The following DPP10 variants were observed in gnomAD, a reference collection of about 807,000 sequenced individuals.
DPP10 encodes inactive dipeptidyl peptidase 10.
In DPP10, 33 loss-of-function variants were observed where a neutral mutation model predicts 120.9. The observed-to-expected ratio is 0.27, with a 90% CI of 0.21 to 0.37. DPP10 has a LOEUF of 0.37. DPP10 is among the 10% of genes least tolerant of loss of function. The pLI, the probability that DPP10 is intolerant of heterozygous loss-of-function variation, is 1.00. For synonymous variants in DPP10, 337 were observed against 326.1 expected (o/e 1.03, Z -0.36); for missense variants, 816 against 942.8 (o/e 0.87, Z 1.76).
intron 1 of DPP10, among the ~76,000 whole-genome samples, chr2:115,033,732 G>T (rs576579911): frequency 3.8e-4 from 49 of 128,344 alleles, no homozygotes; most frequent in African/African-American, 6.6e-4. Flanking sequence ...ATACGGTGTT[G>T]TTCTATTGCC....
At position 115,842,566 on chromosome 2, in the gene DPP10, A is replaced by AG. The variant is rs1215020477; in HGVS notation, c.*224dup. On this transcript the variant is annotated 3_prime_UTR_variant, in exon 26 of 26. Transcript: ENST00000410059. ...CGTTTCTTTGTATGAGAGAGGTCAAAGGGTTGGTTTCCTGGGAGAAATTAG... is the reference window on the plus strand; with the variant it reads ...CGTTTCTTTGTATGAGAGAGGTCAAAGGGGTTGGTTTCCTGGGAGAAATTAG... 2.5e-6 allele frequency: 1 copy of AG among 404,520 alleles called. No homozygotes were observed. The highest frequency in any genetic ancestry group is 4.2e-6 in the Non-Finnish European group (1 of 237,232). 25.1% of individuals were successfully genotyped at this position (404,520 alleles called of 1,614,324 possible). A position where few individuals can be genotyped will look rare whatever the true frequency, so the allele number is the denominator to read the frequency against.
intron 1 of DPP10, among the ~76,000 whole-genome samples, chr2:114,607,516 C>G (rs1295045161): frequency 6.6e-6 from 1 of 152,152 alleles, no homozygotes; most frequent in Non-Finnish European, 1.5e-5. Flanking sequence ...ATGCAAATGT[C>G]TCCTTATATA....
chr2:114,450,920 T>C (rs1451704308), intron 1 of DPP10, among the ~76,000 whole-genome samples: 1 of 152,090 alleles, frequency 6.6e-6, no homozygotes, highest in East Asian at 1.9e-4. Flanking sequence ...AGGCTTTTTA[T>C]AATCAGAAAC....
At chr2:115,762,230 C>T (rs1487694945) in intron 11 of DPP10, among the ~76,000 whole-genome samples, 2 of 152,066 alleles carry the variant, frequency 1.3e-5, no homozygotes, top group Non-Finnish European at 2.9e-5. Flanking sequence ...TTTTGTCTCC[C>T]AATGATGCCT....
At chr2:115,163,835 A>AAGCAG (rs137919792) in intron 1 of DPP10, among the ~76,000 whole-genome samples, 9 of 152,272 alleles carry the variant, frequency 5.9e-5, no homozygotes, top group African/African-American at 1.4e-4. Context: ...TGGGATGCAG[A>AAGCAG]AGCAGAGCAG....
chr2:115,816,360 G>C (rs915503380), intron 21 of DPP10, among the ~76,000 whole-genome samples: 2 of 152,078 alleles, frequency 1.3e-5, no homozygotes, highest in Non-Finnish European at 2.9e-5. Flanking sequence ...AATAACAAAT[G>C]GACGCTGGTC....
At chr2:115,842,133 G>A (rs759806157) in intron 25 of DPP10, 78 bp from the exon 26 acceptor site, 516 of 1,436,732 alleles carry the variant, frequency 3.6e-4, no homozygotes, top group Non-Finnish European at 4.5e-4. Flanking sequence ...TTTCCATGAC[G>A]TTAGGGCTCA....
At chr2:114,974,417 CTTTTTTTTT>C (rs36001857) in intron 1 of DPP10, among the ~76,000 whole-genome samples, 1 of 131,592 alleles carries the variant, frequency 7.6e-6, no homozygotes, top group Non-Finnish European at 1.6e-5. Flanking sequence ...CCTTTTTATC[CTTTTTTTTT>C]TTTTTTTTTG....
At position 115,640,806 on chromosome 2, in the gene DPP10, ATTC is replaced by A. The variant is rs545041811; in HGVS notation, c.442-48876_442-48874del. ...TTCCGGTTGCCTTGGGAATTTGGAA[ATTC>A]TTCTATGTGAAAGATGTTTCTGCAG... On this transcript the variant is annotated intron_variant, in intron 5 of 25. Coordinates refer to ENST00000410059, the MANE Select transcript of DPP10 (RefSeq NM_020868.6). Among the ~76,000 whole-genome samples, 119 of 152,296 alleles carry A rather than the reference ATTC, an allele frequency of 7.8e-4. 1 individual carries two copies. The highest frequency in any genetic ancestry group is 2.7e-3 in the African/African-American group (112 of 41,574).
chr2:114,626,772 T>G lies in DPP10; in HGVS notation c.60+183934T>G, dbSNP rs914280298. 1.3e-5 allele frequency among the ~76,000 whole-genome samples: 2 copies of G among 152,110 alleles called. 1 individual carries two copies. Among genetic ancestry groups the G allele is most frequent in the South Asian group, 4.1e-4 (2 of 4,830 alleles). ...TAGGTATTTATTTCATCGGAAATTTTAAAAAATCAGCCACAATTTTCTTCT... is the reference window on the plus strand; with the variant it reads ...TAGGTATTTATTTCATCGGAAATTTGAAAAAATCAGCCACAATTTTCTTCT... On this transcript the variant is annotated intron_variant, in intron 1 of 25. Transcript: ENST00000410059.
In DPP10 at chr2:115,836,741, C is replaced by T. The variant is rs777941166; in HGVS notation, c.2177C>T (p.Ala726Val). The T allele has an allele frequency of 1.9e-6, 3 of 1,612,766 alleles. No individual in the cohort carries two copies. The Admixed American group carries it at 5.0e-5, about 27-fold the overall frequency. Residue 726 changes from alanine to valine, a missense_variant, in exon 24 of 26, where the codon GCT (alanine) becomes GTT (valine). By Grantham distance (64) the Ala-to-Val change is moderately conservative. Around this residue, in one of 3 missense-constraint regions of DPP10, gnomAD observed 592 missense variants for 649.0 expected, o/e 0.91. Transcript: ENST00000410059. ...AATATATTAATAATTCATGGAACTG[C>T]TGACAGTAAGTATTATACTTGCCGC... ...EENILIIHGTADTKVHFQHSA... is the reference protein window; with the variant it reads ...EENILIIHGTVDTKVHFQHSA...
intron 3 of DPP10, among the ~76,000 whole-genome samples, chr2:115,486,948 A>C (rs1216639757): frequency 1.3e-5 from 2 of 152,162 alleles, no homozygotes; most frequent in Admixed American, 1.3e-4. Flanking sequence ...CACAAGAATT[A>C]ATAATGATTA....
In DPP10 at chr2:115,751,785, CTG is replaced by C. The variant is rs539466775; in HGVS notation, c.951-1385_951-1384del. 7.3e-5 allele frequency among the ~76,000 whole-genome samples: 10 copies of C among 136,168 alleles called. 1 individual carries two copies. The South Asian group carries it at 2.3e-3, about 32-fold the overall frequency. 89.3% of individuals were successfully genotyped at this position (136,168 alleles called of 152,430 possible). ...AGTCATATAAAACTGGGTTAATTAA[CTG>C]TGTTTTTTTTTTGTTGTTTTTTTTT... On this transcript the variant is annotated intron_variant, in intron 10 of 25. Transcript: ENST00000410059.
At chr2:114,652,994 GAGAGAGAGAGAGAGAA>G (rs1316292817) in intron 1 of DPP10, among the ~76,000 whole-genome samples, 1 of 141,334 alleles carries the variant, frequency 7.1e-6, no homozygotes, top group African/African-American at 3.0e-5. Flanking sequence ...TTGGAAGAGA[GAGAGAGAGAGAGAGAA>G]AGAGAGAGAG....
At chr2:115,211,318 G>A (rs2056495378) in intron 1 of DPP10, among the ~76,000 whole-genome samples, 1 of 151,158 alleles carries the variant, frequency 6.6e-6, no homozygotes, top group South Asian at 2.1e-4. Context: ...AAATCATATG[G>A]CCTAAACCAA....
At chr2:115,051,001 A>C (rs1705436514) in intron 1 of DPP10, among the ~76,000 whole-genome samples, 2 of 152,206 alleles carry the variant, frequency 1.3e-5, no homozygotes, top group African/African-American at 4.8e-5. Flanking sequence ...CAAACAGAAC[A>C]TGAAACTCTG....
chr2:115,721,363 C>T (rs1288180922), intron 7 of DPP10, among the ~76,000 whole-genome samples: 1 of 152,148 alleles, frequency 6.6e-6, no homozygotes, highest in Non-Finnish European at 1.5e-5. Context: ...ACTATGTGAT[C>T]TAGCCTTCAA....
chr2:115,025,506 A>T (rs1703395115), intron 1 of DPP10, among the ~76,000 whole-genome samples: 1 of 151,908 alleles, frequency 6.6e-6, no homozygotes, highest in Non-Finnish European at 1.5e-5. Flanking sequence ...CCTTTCTTTT[A>T]AATATATACC....
intron 1 of DPP10, among the ~76,000 whole-genome samples, chr2:115,105,515 AATTC>A (rs2048906645): frequency 6.6e-6 from 1 of 152,138 alleles, no homozygotes; most frequent in South Asian, 2.1e-4. Flanking sequence ...ACAGACCAAG[AATTC>A]ATTCATTACC....
Sources: gnomAD v4.1 joint callset for allele counts (sites outside exome capture counted in the v4.1 genomes callset) on GRCh38, gnomAD v4.1.1 for gene constraint, gnomAD v4.1.1 regional missense constraint, MANE v1.5 for transcripts, NCBI Gene and HGNC (gene_info 2026-07-23, HGNC 2026-07-21) for gene names.